Variants in CCDC191 observed in about 807,000 individuals in gnomAD.
CCDC191 encodes coiled-coil domain-containing protein 191.
A neutral mutation model predicts 114.0 loss-of-function variants in CCDC191; 99 were observed. The observed-to-expected ratio is 0.87, with a 90% CI of 0.74 to 1.03. The LOEUF (loss-of-function observed/expected upper bound fraction) is 1.03, where lower values mean the gene tolerates loss of function less well. CCDC191 is among the 50% of genes least tolerant of loss of function. The pLI is 0.00. For missense variants in CCDC191, 973 were observed against 1,087.0 expected, an observed-to-expected ratio of 0.90 and a Z score of 1.47; for synonymous variants, 351 against 376.0, an observed-to-expected ratio of 0.93 and a Z score of 0.77.
chr3:114,048,331 T>C (rs537019782), intron 2 of CCDC191, among the ~76,000 whole-genome samples: 12 of 152,316 alleles, frequency 7.9e-5, no homozygotes, highest in South Asian at 6.2e-4. Context: ...AGCCACATAA[T>C]GTGTGTCACA....
intron 1 of CCDC191, among the ~76,000 whole-genome samples, chr3:114,053,900 G>A (rs1210962145): frequency 6.6e-6 from 1 of 151,946 alleles, no homozygotes; most frequent in Non-Finnish European, 1.5e-5. Context: ...GTCTGGGATA[G>A]GACCCTGGCA....
At chr3:114,023,209 T>G (rs1407108844) in intron 7 of CCDC191, among the ~76,000 whole-genome samples, 1 of 152,048 alleles carries the variant, frequency 6.6e-6, no homozygotes, top group Non-Finnish European at 1.5e-5. Context: ...TAAAAGAGGA[T>G]ACAAACAAAT....
intron 16 of CCDC191, among the ~76,000 whole-genome samples, chr3:113,976,377 CT>C (rs1941350287): frequency 6.6e-6 from 1 of 151,794 alleles, no homozygotes; most frequent in South Asian, 2.1e-4. Flanking sequence ...GTCAAAAAAC[CT>C]AATCTGGAGT....
intron 9 of CCDC191, 140 bp downstream of exon 9, chr3:114,010,632 C>A: frequency 1.0e-5 from 7 of 695,796 alleles, no homozygotes; most frequent in East Asian, 2.7e-5. Flanking sequence ...AGGAAATAAA[C>A]ACTGCCTGAA....
chr3:114,052,522 C>T (rs907201308), intron 2 of CCDC191, among the ~76,000 whole-genome samples: 2 of 152,164 alleles, frequency 1.3e-5, no homozygotes, highest in Admixed American at 1.3e-4. Flanking sequence ...CTAAGTTAGG[C>T]TTTCTGCAGT....
At chr3:113,970,713 C>T (rs982042350) in intron 16 of CCDC191, among the ~76,000 whole-genome samples, 2 of 151,992 alleles carry the variant, frequency 1.3e-5, no homozygotes, top group African/African-American at 4.8e-5. Flanking sequence ...TGCTATCCCT[C>T]CCCGTCCCCC....
intron 4 of CCDC191, among the ~76,000 whole-genome samples, chr3:114,038,588 G>A (rs2076518962): frequency 6.6e-6 from 1 of 152,160 alleles, no homozygotes; most frequent in Admixed American, 6.5e-5. Context: ...ACATACACCT[G>A]CATGTATCTT....
chr3:114,010,122 A>T (rs1282646775), intron 9 of CCDC191, among the ~76,000 whole-genome samples: 1 of 151,808 alleles, frequency 6.6e-6, no homozygotes, highest in Non-Finnish European at 1.5e-5. Flanking sequence ...TTTTTTTTTT[A>T]GAAGAACAGT....
At chr3:114,028,212 A>G (rs1489400250) in intron 7 of CCDC191, among the ~76,000 whole-genome samples, 1 of 151,814 alleles carries the variant, frequency 6.6e-6, no homozygotes, top group Non-Finnish European at 1.5e-5. Flanking sequence ...ACCAAAAATA[A>G]CCGTACAATA....
chr3:114,035,304 G>A lies in CCDC191; in HGVS notation c.595-156C>T, dbSNP rs182115078. On this transcript the variant is annotated intron_variant, in intron 5 of 16. Transcript: ENST00000295878. Reference sequence around the variant, plus strand: ...TTGGTAGGAAAGGAGGAATTCATCTGTTTACTGGGTAAAGATGAATATAAC... The same window carrying A: ...TTGGTAGGAAAGGAGGAATTCATCTATTTACTGGGTAAAGATGAATATAAC... 8.2e-4 allele frequency among the ~76,000 whole-genome samples: 125 copies of A among 152,288 alleles called. 1 individual carries two copies. The highest frequency in any genetic ancestry group is 6.8e-3 in the Middle Eastern group (2 of 294).
At chr3:114,011,599 G>A (rs1468858705) in intron 8 of CCDC191, among the ~76,000 whole-genome samples, 2 of 152,208 alleles carry the variant, frequency 1.3e-5, no homozygotes, top group East Asian at 3.8e-4. Flanking sequence ...CCCTTGAACT[G>A]AATGCATGTC....
chr3:114,017,012 A>AT (rs1302629544), intron 8 of CCDC191, among the ~76,000 whole-genome samples: 1 of 150,016 alleles, frequency 6.7e-6, no homozygotes, highest in Non-Finnish European at 1.5e-5. Flanking sequence ...GTTGGCCTCT[A>AT]TTTTTTTCAC....
intron 2 of CCDC191, 56 bp downstream of exon 2, chr3:114,053,541 T>A: frequency 9.6e-7 from 1 of 1,041,500 alleles, no homozygotes; most frequent in East Asian, 2.6e-5. Context: ...TTCTTTTCCA[T>A]CTGATTATGC....
In CCDC191 at chr3:114,054,812, C is replaced by T. The variant is rs1468454828; in HGVS notation, c.91-1177G>A. Among the ~76,000 whole-genome samples the T allele has an allele frequency of 3.3e-5, 5 of 152,188 alleles. No homozygotes were observed. The East Asian group carries it at 9.6e-4, about 29-fold the overall frequency. ...TATCAGGACATTTCCTTTCTTCAACCTCTGAAACTCCCAGAAGCTTGCAGA... is the reference window on the plus strand; with the variant it reads ...TATCAGGACATTTCCTTTCTTCAACTTCTGAAACTCCCAGAAGCTTGCAGA... On this transcript the variant is annotated intron_variant, in intron 1 of 16. Coordinates refer to ENST00000295878, the MANE Select transcript of CCDC191 (RefSeq NM_020817.2).
intron 13 of CCDC191, among the ~76,000 whole-genome samples, chr3:113,992,076 A>T (rs190079051): frequency 1.3e-5 from 2 of 152,318 alleles, no homozygotes; most frequent in Admixed American, 1.3e-4. Flanking sequence ...AGAAGCACTG[A>T]TTTTGACAAG....
At chr3:114,040,279 T>G (rs2076543151) in intron 4 of CCDC191, among the ~76,000 whole-genome samples, 1 of 152,224 alleles carries the variant, frequency 6.6e-6, no homozygotes, top group African/African-American at 2.4e-5. Flanking sequence ...CTCTATAATG[T>G]TCACACAATG....
Position 114,005,577 on chromosome 3 carries a change from G to A in CCDC191, c.1799C>T (p.Thr600Ile), listed in dbSNP as rs1197071691. ...TGACAGCAGGTGGCTCTGTGCTTCT[G>A]TGACTGCTAAGGCATGCTCTGCTGC... ...QWAAEHALAV[T>I]EAQSHLLSKP... Residue 600 changes from threonine (T) to isoleucine (I), a missense_variant, in exon 10 of 17, where the codon ACA (threonine) becomes ATA (isoleucine). Thr to Ile is a moderately conservative substitution (Grantham distance 89, BLOSUM62 -1). Coordinates refer to ENST00000295878, the MANE Select transcript of CCDC191 (RefSeq NM_020817.2). 6.8e-6 allele frequency: 11 copies of A among 1,614,148 alleles called. No homozygotes were observed. The South Asian group carries it at 1.2e-4, about 18-fold the overall frequency.
At chr3:113,965,856 A>T (rs934657483) in intron 16 of CCDC191, among the ~76,000 whole-genome samples, 1 of 152,138 alleles carries the variant, frequency 6.6e-6, no homozygotes, top group Admixed American at 6.5e-5. Flanking sequence ...TGGCCTCCCA[A>T]AGTGCTGGGA....
intron 8 of CCDC191, among the ~76,000 whole-genome samples, chr3:114,016,192 CCT>C (rs2076155500): frequency 6.6e-6 from 1 of 152,184 alleles, no homozygotes; most frequent in Admixed American, 6.5e-5. Context: ...CACAGAATTA[CCT>C]GTGTTTTGTC....
Sources: allele counts gnomAD v4.1 joint callset (sites outside exome capture counted in the v4.1 genomes callset), GRCh38; gene constraint gnomAD v4.1.1; transcripts MANE v1.5; gene names NCBI Gene and HGNC (gene_info 2026-07-23, HGNC 2026-07-21).